The following STK38L variants were observed in gnomAD, a reference collection of about 807,000 sequenced individuals.
STK38L encodes the protein serine/threonine-protein kinase 38-like.
STK38L carries 28 observed loss-of-function variants against 59.7 expected under a neutral mutation model. The ratio of observed to expected loss-of-function variants is 0.47; its 90% CI spans 0.35 to 0.64. The LOEUF (loss-of-function observed/expected upper bound fraction) is 0.64, where lower values mean the gene tolerates loss of function less well. STK38L is among the 30% of genes least tolerant of loss of function. STK38L has a pLI of 0.01. For missense variants in STK38L, 314 were observed against 555.8 expected, an observed-to-expected ratio of 0.56 and a Z score of 4.37; for synonymous variants, 162 against 176.8, an observed-to-expected ratio of 0.92 and a Z score of 0.66.
intron 1 of STK38L, among the ~76,000 whole-genome samples, chr12:27,250,323 A>G (rs953910386): frequency 3.9e-5 from 6 of 152,244 alleles, no homozygotes; most frequent in African/African-American, 1.4e-4. Context: ...TCACCAATTC[A>G]AGAGACACAG....
chr12:27,314,039 A>G (rs990903334), intron 6 of STK38L, among the ~76,000 whole-genome samples: 3 of 152,176 alleles, frequency 2.0e-5, no homozygotes, highest in African/African-American at 7.2e-5. Flanking sequence ...AACTTCTGCT[A>G]TGCAATAGCA....
rs1222566136 is a variant in STK38L at position 27,269,194 on chromosome 12, C to T, written c.-12+24862C>T. Among the ~76,000 whole-genome samples, 5 of 152,254 alleles carry T rather than the reference C, an allele frequency of 3.3e-5. No homozygotes were observed. The South Asian group carries it at 1.0e-3, about 32-fold the overall frequency. On this transcript the variant is annotated intron_variant, in intron 1 of 13. Coordinates refer to ENST00000389032, the MANE Select transcript of STK38L (RefSeq NM_015000.4). ...GTGTTTTAGACATGAAGTCCTTGCC[C>T]ATGCCTATGTCCTGAATGGTATTGC...
chr12:27,307,770 G>A (rs181459977), intron 3 of STK38L, among the ~76,000 whole-genome samples: 1 of 152,230 alleles, frequency 6.6e-6, no homozygotes, highest in African/African-American at 2.4e-5. Flanking sequence ...TACCAACTTG[G>A]ATATTTTAAT....
chr12:27,253,154 C>A (rs957204496), intron 1 of STK38L, among the ~76,000 whole-genome samples: 7 of 152,214 alleles, frequency 4.6e-5, no homozygotes, highest in African/African-American at 1.7e-4. Flanking sequence ...ATCTGTACAG[C>A]ACCTGGTAAG....
intron 1 of STK38L, among the ~76,000 whole-genome samples, chr12:27,270,019 C>A (rs1408511915): frequency 6.6e-6 from 1 of 152,070 alleles, no homozygotes; most frequent in Non-Finnish European, 1.5e-5. Context: ...TCATTTAATC[C>A]CGTATTCAAA....
chr12:27,300,034 G>A (rs1944125862), intron 2 of STK38L, among the ~76,000 whole-genome samples: 1 of 152,082 alleles, frequency 6.6e-6, no homozygotes, highest in Non-Finnish European at 1.5e-5. Flanking sequence ...AAATTCATCA[G>A]AATTTCGAAG....
At chr12:27,320,378 C>G (rs980223982) in intron 12 of STK38L, among the ~76,000 whole-genome samples, 1 of 151,810 alleles carries the variant, frequency 6.6e-6, no homozygotes, top group East Asian at 1.9e-4. Flanking sequence ...ATGATCCCCC[C>G]ACCTCATCCC....
chr12:27,251,890 T>C (rs1020330715), intron 1 of STK38L, among the ~76,000 whole-genome samples: 1 of 152,224 alleles, frequency 6.6e-6, no homozygotes, highest in African/African-American at 2.4e-5. Flanking sequence ...AAAACAATTA[T>C]GATAAAGGAA....
chr12:27,253,241 C>G (rs1271145943), intron 1 of STK38L, among the ~76,000 whole-genome samples: 1 of 152,198 alleles, frequency 6.6e-6, no homozygotes, highest in East Asian at 1.9e-4. Context: ...TGTTTTCCAG[C>G]TTTTCATTCT....
intron 1 of STK38L, among the ~76,000 whole-genome samples, chr12:27,269,359 A>G (rs1308527151): frequency 6.6e-5 from 10 of 152,168 alleles, no homozygotes; most frequent in Non-Finnish European, 1.3e-4. Context: ...TTTTCCCAGC[A>G]CCATTTATTA....
At chr12:27,263,633 C>T (rs1277574375) in intron 1 of STK38L, among the ~76,000 whole-genome samples, 4 of 152,130 alleles carry the variant, frequency 2.6e-5, no homozygotes, top group Admixed American at 2.6e-4. Context: ...TTGACTTGCC[C>T]AAATTGCTAT....
chr12:27,286,397 ACT>A (rs1215287116), intron 1 of STK38L, among the ~76,000 whole-genome samples: 2 of 152,102 alleles, frequency 1.3e-5, no homozygotes, highest in African/African-American at 2.4e-5. Context: ...GTAATTTCAC[ACT>A]GTTTGTTCAT....
chr12:27,260,839 G>C (rs1429662288), intron 1 of STK38L, among the ~76,000 whole-genome samples: 1 of 152,152 alleles, frequency 6.6e-6, no homozygotes, highest in Admixed American at 6.5e-5. Context: ...TACGGTGCCA[G>C]GAACAGTATC....
rs766122729 is a variant in STK38L, at chr12:27,311,500, T to C, written c.394-1049T>C. ...TAGCAAAAGCATAAATCAAATCTTA[T>C]TAATCTTTGGAAAAAGTGTATAAAT... On this transcript the variant is annotated intron_variant, in intron 5 of 13. Coordinates refer to ENST00000389032, the MANE Select transcript of STK38L (RefSeq NM_015000.4). Among the ~76,000 whole-genome samples the C allele has an allele frequency of 7.9e-5, 12 of 152,338 alleles. No homozygotes were observed. In the South Asian group the frequency reaches 1.2e-3, roughly 16 times the overall value.
rs574121356 is a variant in STK38L, at chr12:27,316,622, G to T, written c.838-714G>T. Among the ~76,000 whole-genome samples, 13 of 152,276 alleles carry T rather than the reference G, an allele frequency of 8.5e-5. 1 individual carries two copies. The South Asian group carries it at 2.3e-3, about 27-fold the overall frequency. ...ATCTGTGGTCCTACATTTTGCCATG[G>T]CCCCAAGAGTACTACCCCTGGTTGA... On this transcript the variant is annotated intron_variant, in intron 9 of 13. Coordinates refer to ENST00000389032, the MANE Select transcript of STK38L (RefSeq NM_015000.4).
chr12:27,286,474 T>C (rs1349818158), intron 1 of STK38L, among the ~76,000 whole-genome samples: 2 of 152,220 alleles, frequency 1.3e-5, no homozygotes, highest in African/African-American at 4.8e-5. Context: ...AAATAGAACT[T>C]TGTATCCTGC....
intron 1 of STK38L, among the ~76,000 whole-genome samples, chr12:27,272,151 T>G (rs1436466514): frequency 6.6e-6 from 1 of 152,264 alleles, no homozygotes; most frequent in Non-Finnish European, 1.5e-5. Context: ...GTGGTTTGTT[T>G]ACTTAGCTGT....
chr12:27,312,422 A>G lies in STK38L; in HGVS notation c.394-127A>G, dbSNP rs1217553898. Reference sequence around the variant, plus strand: ...TTGATGAGAATACGAACATTCATACATGTATCAAATCTTCTGAAACTCCAT... The same window carrying G: ...TTGATGAGAATACGAACATTCATACGTGTATCAAATCTTCTGAAACTCCAT... On this transcript the variant is annotated intron_variant, in intron 5 of 13. Coordinates refer to ENST00000389032, the MANE Select transcript of STK38L (RefSeq NM_015000.4). 7.3e-6 allele frequency: 7 copies of G among 959,094 alleles called. 1 individual carries two copies. Among genetic ancestry groups the G allele is most frequent in the African/African-American group, 5.0e-5 (3 of 59,988 alleles). 59.4% of individuals were successfully genotyped at this position (959,094 alleles called of 1,614,324 possible).
In STK38L at chr12:27,273,500, T is replaced by A. The variant is rs376482631; in HGVS notation, c.-11-24210T>A. Among the ~76,000 whole-genome samples the A allele has an allele frequency of 2.0e-5, 3 of 152,184 alleles. No homozygotes were observed. The East Asian group carries it at 5.9e-4, about 30-fold the overall frequency. On this transcript the variant is annotated intron_variant, in intron 1 of 13. Transcript: ENST00000389032. Reference sequence around the variant, plus strand: ...ATTATTTACCACTCGTTAGGGCTAATGTGAGGATCAAAACCAAATGAGATA... The same window carrying A: ...ATTATTTACCACTCGTTAGGGCTAAAGTGAGGATCAAAACCAAATGAGATA...
Sources: gnomAD v4.1 joint callset for allele counts (sites outside exome capture counted in the v4.1 genomes callset) on GRCh38, gnomAD v4.1.1 for gene constraint, MANE v1.5 for transcripts, NCBI Gene and HGNC (gene_info 2026-07-23, HGNC 2026-07-21) for gene names.